PTPRC: variants seen among roughly 807,000 people sequenced by gnomAD.
PTPRC encodes receptor-type tyrosine-protein phosphatase C.
Under a neutral mutation model 155.9 loss-of-function variants are expected in PTPRC, and 44 were observed. That is an observed-to-expected ratio of 0.28 (90% CI 0.22 to 0.36). The LOEUF is 0.36. Ranked by LOEUF, PTPRC falls within the 10% of genes least tolerant of loss-of-function variation. PTPRC has a pLI of 1.00. For synonymous variants in PTPRC, 525 were observed against 533.1 expected (o/e 0.98, Z 0.21); for missense variants, 1,401 against 1,564.6 (o/e 0.90, Z 1.76).
At chr1:198,664,486 T>G (rs113889436) in intron 2 of PTPRC, among the ~76,000 whole-genome samples, 39 of 152,336 alleles carry the variant, frequency 2.6e-4, no homozygotes, top group African/African-American at 9.1e-4. Context: ...CAGACACTCC[T>G]TCCTACTTCC....
intron 2 of PTPRC, 129 bp downstream of exon 2, chr1:198,639,470 T>C (rs1325658064): frequency 4.2e-6 from 3 of 720,244 alleles, no homozygotes; most frequent in Non-Finnish European, 7.0e-6. Context: ...ACCATCAAGA[T>C]TGTTGTCTCA....
intron 23 of PTPRC, among the ~76,000 whole-genome samples, 186 bp from the exon 24 acceptor site, chr1:198,741,683 T>C (rs1654906428): frequency 6.6e-6 from 1 of 151,880 alleles, no homozygotes; most frequent in African/African-American, 2.4e-5. Flanking sequence ...CTACTAGTTA[T>C]TGATTAGAAA....
chr1:198,751,151 C>T (rs977777150), intron 29 of PTPRC, among the ~76,000 whole-genome samples: 3 of 151,958 alleles, frequency 2.0e-5, no homozygotes, highest in Admixed American at 6.6e-5. Flanking sequence ...AGTTTTGACC[C>T]TATTCTTTTA....
rs998836771 is a variant in PTPRC at position 198,756,680 on chromosome 1, T to C, written c.*499T>C. 6.2e-6 allele frequency: 1 copy of C among 161,842 alleles called. No homozygotes were observed. The highest frequency in any genetic ancestry group is 6.0e-5 in the Admixed American group (1 of 16,620). The allele number at this position is 161,842 out of a possible 1,614,324, so 10.0% of individuals were successfully genotyped here. A position where few individuals can be genotyped will look rare whatever the true frequency, so the allele number is the denominator to read the frequency against. ...AGATGTCCTCCTTGTTCTACTCATATATATCTATCTTATATAGTTTACTAT... is the reference window on the plus strand; with the variant it reads ...AGATGTCCTCCTTGTTCTACTCATACATATCTATCTTATATAGTTTACTAT... On this transcript the variant is annotated 3_prime_UTR_variant, in exon 33 of 33. Coordinates refer to ENST00000442510, the MANE Select transcript of PTPRC (RefSeq NM_002838.5).
chr1:198,743,635 A>G (rs923679045), intron 25 of PTPRC, among the ~76,000 whole-genome samples: 1 of 151,872 alleles, frequency 6.6e-6, no homozygotes, highest in African/African-American at 2.4e-5. Flanking sequence ...TCTAAAAACT[A>G]TAAAAAAAGG....
intron 2 of PTPRC, among the ~76,000 whole-genome samples, chr1:198,680,899 G>A (rs1267195726): frequency 6.6e-6 from 1 of 152,138 alleles, no homozygotes; most frequent in Admixed American, 6.5e-5. Context: ...GATTCTAGTA[G>A]ACCTGGGATT....
At chr1:198,729,082 A>C in intron 16 of PTPRC, 55 bp from the exon 17 acceptor site, 1 of 1,578,218 alleles carries the variant, frequency 6.3e-7, no homozygotes, top group Non-Finnish European at 8.7e-7. Context: ...GTAAAATACC[A>C]ATTGAATTTT....
At chr1:198,665,147 T>C (rs186801838) in intron 2 of PTPRC, among the ~76,000 whole-genome samples, 2,331 of 129,770 alleles carry the variant, frequency 0.018, 68 homozygotes, top group African/African-American at 0.064. Context: ...TGGAGTGCAG[T>C]GGTGCAATCG....
intron 23 of PTPRC, among the ~76,000 whole-genome samples, chr1:198,739,335 C>T (rs766688112): frequency 2.1e-4 from 32 of 151,698 alleles, no homozygotes; most frequent in Non-Finnish European, 3.8e-4. Context: ...TTACAAGAAA[C>T]ATTCTTCACC....
chr1:198,722,587 T>G (rs1043968437), intron 15 of PTPRC, 111 bp downstream of exon 15: 1 of 502,568 alleles, frequency 2.0e-6, no homozygotes, highest in African/African-American at 2.1e-5. Flanking sequence ...GCTTAAATAA[T>G]ATCTCTTCCG....
chr1:198,696,791 A>T lies in PTPRC; in HGVS notation c.180A>T (p.Ala60=). The change falls in exon 4 of 33, where the codon GCA becomes GCT. Residue 60 remains alanine, a synonymous_variant. Transcript: ENST00000442510. ...LPTHTTAFSP[A]STFERENDFS... is the part of the protein sequence containing the mutation. ...CTCACACCACTGCATTCTCACCCGC[A>T]AGCACCTTTGAAAGAGAAAATGACT... is the stretch of plus-strand genomic sequence containing the variant. 3 of 1,614,066 alleles carry T rather than the reference A, an allele frequency of 1.9e-6. No homozygotes were observed. Among genetic ancestry groups the T allele is most frequent in the Non-Finnish European group, 2.5e-6 (3 of 1,179,934 alleles).
At chr1:198,655,352 C>A (rs990931006) in intron 2 of PTPRC, among the ~76,000 whole-genome samples, 2 of 151,936 alleles carry the variant, frequency 1.3e-5, no homozygotes, top group Non-Finnish European at 2.9e-5. Flanking sequence ...TAGAAATAAT[C>A]TATTTCAACG....
intron 2 of PTPRC, among the ~76,000 whole-genome samples, chr1:198,672,315 G>C (rs181104185): frequency 6.6e-6 from 1 of 152,190 alleles, no homozygotes; most frequent in Non-Finnish European, 1.5e-5. Flanking sequence ...GGATGTCAGA[G>C]CAAAAATATG....
At chr1:198,741,807 A>G in intron 23 of PTPRC, 62 bp from the exon 24 acceptor site, 1 of 1,520,302 alleles carries the variant, frequency 6.6e-7, no homozygotes, top group Non-Finnish European at 9.0e-7. Context: ...CCTTCCACTT[A>G]TTTATGTTTC....
At chr1:198,736,254 T>G (rs909887622) in intron 23 of PTPRC, among the ~76,000 whole-genome samples, 4 of 151,664 alleles carry the variant, frequency 2.6e-5, no homozygotes, top group African/African-American at 9.7e-5. Flanking sequence ...ATAGTCACCC[T>G]GTTGTGCTAT....
At chr1:198,718,008 A>T (rs1015996380) in intron 13 of PTPRC, 86 bp from the exon 14 acceptor site, 1 of 1,135,894 alleles carries the variant, frequency 8.8e-7, no homozygotes, top group Non-Finnish European at 1.3e-6. Flanking sequence ...CACTTAAAAT[A>T]CTTTATACTA....
At position 198,642,867 on chromosome 1, in the gene PTPRC, TG is replaced by T. The variant is rs763800251; in HGVS notation, c.73+3528del. 1.1e-3 allele frequency among the ~76,000 whole-genome samples: 161 copies of T among 151,926 alleles called. 1 individual carries two copies. Among genetic ancestry groups the T allele is most frequent in the Admixed American group, 1.2e-3 (18 of 15,228 alleles). ...CCACTAATGATCTGGGGGCTAGGCC[TG>T]GAGCTGGGAAGGGATCTTTTTTCTT... On this transcript the variant is annotated intron_variant, in intron 2 of 32. Transcript: ENST00000442510.
chr1:198,731,921 A>T (rs751267399), intron 18 of PTPRC, among the ~76,000 whole-genome samples, 195 bp downstream of exon 18: 50 of 151,044 alleles, frequency 3.3e-4, no homozygotes, highest in Non-Finnish European at 5.9e-4. Flanking sequence ...GTGTAGAGCT[A>T]GTAAATATTT....
chr1:198,703,201 G>T (rs895931480), intron 6 of PTPRC, 97 bp from the exon 7 acceptor site: 17 of 1,567,664 alleles, frequency 1.1e-5, no homozygotes, highest in Non-Finnish European at 1.5e-5. Flanking sequence ...CTAGAGCAAA[G>T]ATGCCAATAG....
Sources: gnomAD v4.1 joint callset for allele counts (sites outside exome capture counted in the v4.1 genomes callset) on GRCh38, gnomAD v4.1.1 for gene constraint, MANE v1.5 for transcripts, NCBI Gene and HGNC (gene_info 2026-07-23, HGNC 2026-07-21) for gene names.